Variants in MAP3K1 observed in about 807,000 individuals in gnomAD.
The protein encoded by MAP3K1 is MAP/ERK kinase kinase 1.
MAP3K1 carries 36 observed loss-of-function variants against 144.2 expected under a neutral mutation model. The ratio of observed to expected loss-of-function variants is 0.25; its 90% CI spans 0.19 to 0.33. The LOEUF (loss-of-function observed/expected upper bound fraction) is 0.33. Among genes scored for constraint, MAP3K1 ranks in the 10% least tolerant of loss-of-function variants. MAP3K1 has a pLI of 1.00. For missense variants in MAP3K1, 1,650 were observed against 1,881.9 expected (o/e 0.88, Z 2.28); for synonymous variants, 718 against 688.7 (o/e 1.04, Z -0.67).
Position 56,815,807 on chromosome 5 carries a change from C to T in MAP3K1, c.234C>T (p.Leu78=), listed in dbSNP as rs542526689. The part of the protein sequence containing the change: ...VELDQLPEQP[L]FLAASPPASS... ...TGGACCAGCTGCCTGAGCAGCCGCT[C>T]TTCCTTGCCGCCTCACCGCCGGCCT... The change falls in exon 1 of 20, where the codon CTC becomes CTT. Residue 78 remains leucine (L), a synonymous_variant. Coordinates refer to ENST00000399503, the MANE Select transcript of MAP3K1 (RefSeq NM_005921.2). The T allele has an allele frequency of 1.0e-3, 1,483 of 1,423,680 alleles. 32 individuals carry two copies. In the Admixed American group the frequency reaches 0.027, roughly 26 times the overall value. The allele number at this position is 1,423,680 out of a possible 1,614,324, so 88.2% of individuals were successfully genotyped here.
Position 56,882,737 on chromosome 5 carries a change from G to A in MAP3K1, c.3537G>A (p.Glu1179=), listed in dbSNP as rs1252720450. Residue 1179 remains glutamate (E), a synonymous_variant, in exon 14 of 20, where the codon GAG becomes GAA. Coordinates refer to ENST00000399503, the MANE Select transcript of MAP3K1 (RefSeq NM_005921.2). ...DDVNHNQKCK[E]KMEAEEEEAL... ...TGAATCATAATCAAAAGTGCAAAGAGAAGATGGAAGCTGAAGAAGAAGAAG... is the reference window on the plus strand; with the variant it reads ...TGAATCATAATCAAAAGTGCAAAGAAAAGATGGAAGCTGAAGAAGAAGAAG... 6.2e-7 allele frequency: 1 copy of A among 1,613,070 alleles called. No individual in the cohort carries two copies. The highest frequency in any genetic ancestry group is 1.1e-5 in the South Asian group (1 of 90,968).
intron 1 of MAP3K1, chr5:56,820,843 C>G: frequency 2.1e-6 from 2 of 969,140 alleles, no homozygotes. Context: ...ACATGTTTCA[C>G]AATACCGTGT....
chr5:56,854,708 T>TCGGGGC (rs1185201935), intron 1 of MAP3K1, among the ~76,000 whole-genome samples: 4 of 152,148 alleles, frequency 2.6e-5, no homozygotes, highest in African/African-American at 4.8e-5. Flanking sequence ...TGTGTTTGAC[T>TCGGGGC]CAGGGCCAGG....
Position 56,884,286 on chromosome 5 carries a change from GCGGTGCCATCTT to G in MAP3K1, c.3820-377_3820-366del, listed in dbSNP as rs774681643. 4.7e-3 allele frequency among the ~76,000 whole-genome samples: 717 copies of G among 152,218 alleles called. 4 individuals are homozygous for G. The highest frequency in any genetic ancestry group is 6.7e-3 in the Non-Finnish European group (455 of 68,022). On this transcript the variant is annotated intron_variant, in intron 15 of 19. Coordinates refer to ENST00000399503, the MANE Select transcript of MAP3K1 (RefSeq NM_005921.2). ...GTACTTCTTTCAACAGTGTACTTGTGCGGTGCCATCTTGGGGTTTCAGTGGTTTACTTTTTAT... is the reference window on the plus strand; with the variant it reads ...GTACTTCTTTCAACAGTGTACTTGTGGGGGTTTCAGTGGTTTACTTTTTAT...
intron 19 of MAP3K1, among the ~76,000 whole-genome samples, chr5:56,892,562 A>T (rs1165029892): frequency 6.6e-6 from 1 of 152,182 alleles, no homozygotes; most frequent in Non-Finnish European, 1.5e-5. Flanking sequence ...TGATTGAAAT[A>T]AAATAACAGT....
intron 1 of MAP3K1, among the ~76,000 whole-genome samples, chr5:56,835,978 T>A (rs2548665): frequency 0.77 from 117,574 of 152,044 alleles, 45,801 homozygotes; most frequent in Non-Finnish European, 0.82. Flanking sequence ...CATTCACTCA[T>A]CAAATTTTGT....
At chr5:56,875,865 C>T (rs554861322) in intron 10 of MAP3K1, among the ~76,000 whole-genome samples, 3 of 151,860 alleles carry the variant, frequency 2.0e-5, no homozygotes, top group South Asian at 4.2e-4. Context: ...GAGTCATCAA[C>T]GTTATTCTGA....
At chr5:56,869,539 A>T (rs572256161) in intron 6 of MAP3K1, among the ~76,000 whole-genome samples, 12 of 152,342 alleles carry the variant, frequency 7.9e-5, no homozygotes, top group African/African-American at 2.6e-4. Flanking sequence ...TATAATAAAA[A>T]TTTTTAAAAT....
chr5:56,833,718 A>G (rs1447145245), intron 1 of MAP3K1, among the ~76,000 whole-genome samples: 1 of 152,186 alleles, frequency 6.6e-6, no homozygotes, highest in African/African-American at 2.4e-5. Flanking sequence ...ACACTTCAGC[A>G]TTCTTTTAAT....
intron 1 of MAP3K1, among the ~76,000 whole-genome samples, chr5:56,831,595 A>G (rs1403707853): frequency 6.6e-6 from 1 of 152,236 alleles, no homozygotes; most frequent in Non-Finnish European, 1.5e-5. Context: ...ATTAAATGAT[A>G]TCCAGAATCA....
Position 56,873,103 on chromosome 5 carries a change from CT to C in MAP3K1, c.1686+102del, listed in dbSNP as rs1299099878. 10 of 1,135,182 alleles carry C rather than the reference CT, an allele frequency of 8.8e-6. No homozygotes were observed. The African/African-American group carries it at 1.2e-4, about 14-fold the overall frequency. 70.3% of individuals were successfully genotyped at this position (1,135,182 alleles called of 1,614,324 possible). A position where few individuals can be genotyped will look rare whatever the true frequency, so the allele number is the denominator to read the frequency against. On this transcript the variant is annotated intron_variant, in intron 9 of 19. Coordinates refer to ENST00000399503, the MANE Select transcript of MAP3K1 (RefSeq NM_005921.2). The stretch of plus-strand genomic sequence containing the variant: ...CAGTTGTTCATAATTTAAAAAAACA[CT>C]TTTACTTGCCTCCATCATGACCTTC...
At chr5:56,864,362 C>G (rs1363696404) in intron 3 of MAP3K1, among the ~76,000 whole-genome samples, 1 of 146,474 alleles carries the variant, frequency 6.8e-6, no homozygotes, top group East Asian at 2.0e-4. Flanking sequence ...GTATGATCTT[C>G]TTTGGATAAT....
At position 56,865,985 on chromosome 5, in the gene MAP3K1, C is replaced by CT; in HGVS notation, c.1301+13dup. 1.3e-6 allele frequency: 2 copies of CT among 1,596,486 alleles called. No individual in the cohort carries two copies. Among genetic ancestry groups the CT allele is most frequent in the Non-Finnish European group, 1.7e-6 (2 of 1,163,978 alleles). ...GTCTAGTTCAGAAAACAGGTTAGTA[C>CT]TTTTTAAGGATTTCAAACATTAATC... On this transcript the variant is annotated intron_variant, in intron 6 of 19. Transcript: ENST00000399503.
intron 19 of MAP3K1, among the ~76,000 whole-genome samples, chr5:56,893,150 G>A (rs194058): frequency 0.75 from 114,174 of 152,034 alleles, 43,435 homozygotes; most frequent in Non-Finnish European, 0.82. Context: ...AAATAGCTCT[G>A]TATGCTGAAG....
intron 10 of MAP3K1, among the ~76,000 whole-genome samples, chr5:56,876,439 C>T (rs139727337): frequency 1.3e-5 from 2 of 152,174 alleles, no homozygotes; most frequent in African/African-American, 4.8e-5. Flanking sequence ...TCTAATGCAT[C>T]CTCTACCGAT....
rs891560518 is a variant in MAP3K1, at chr5:56,896,098, T to G, written c.*2418T>G. The G allele has an allele frequency of 1.3e-5, 3 of 227,060 alleles. No homozygotes were observed. The highest frequency in any genetic ancestry group is 6.7e-5 in the African/African-American group (3 of 45,056). 14.1% of individuals were successfully genotyped at this position (227,060 alleles called of 1,614,324 possible). On this transcript the variant is annotated 3_prime_UTR_variant, in exon 20 of 20. Transcript: ENST00000399503. Reference sequence around the variant, plus strand: ...ACCCCATTGAACCGATTTTATAGTATTTGTACCTATTTTGGTGTTTTTGTC... The same window carrying G: ...ACCCCATTGAACCGATTTTATAGTAGTTGTACCTATTTTGGTGTTTTTGTC...
In MAP3K1 at chr5:56,846,022, T is replaced by C. The variant is rs556712625; in HGVS notation, c.483-10578T>C. ...AAGCTGATTACTCTGATGAGTGATA[T>C]AAGTGTTTTAAAGCAATATTTAGTC... On this transcript the variant is annotated intron_variant, in intron 1 of 19. Transcript: ENST00000399503. Among the ~76,000 whole-genome samples the C allele has an allele frequency of 5.9e-5, 9 of 152,330 alleles. No homozygotes were observed. In the East Asian group the frequency reaches 1.5e-3, roughly 26 times the overall value.
chr5:56,824,325 A>C (rs78153878), intron 1 of MAP3K1, among the ~76,000 whole-genome samples: 2 of 152,386 alleles, frequency 1.3e-5, no homozygotes, highest in Non-Finnish European at 2.9e-5. Context: ...TTTTACACTT[A>C]GTAGAGTTCC....
chr5:56,833,097 C>T (rs1414601718), intron 1 of MAP3K1, among the ~76,000 whole-genome samples: 1 of 152,078 alleles, frequency 6.6e-6, no homozygotes, highest in African/African-American at 2.4e-5. Context: ...GTCTTGATCT[C>T]CTGACCTTGT....
Sources: allele counts gnomAD v4.1 joint callset (sites outside exome capture counted in the v4.1 genomes callset), GRCh38; gene constraint gnomAD v4.1.1; transcripts MANE v1.5; gene names NCBI Gene and HGNC (gene_info 2026-07-23, HGNC 2026-07-21).